The following GPC5 variants were observed in gnomAD, a reference collection of about 807,000 sequenced individuals.
GPC5 encodes the protein glypican-5.
In GPC5, 47 loss-of-function variants were observed where a neutral mutation model predicts 53.9. That is an observed-to-expected ratio of 0.87 (90% CI 0.69 to 1.11). The LOEUF (loss-of-function observed/expected upper bound fraction) is 1.11. GPC5 is among the 50% of genes most tolerant of loss of function. GPC5 has a pLI of 0.00. For missense variants in GPC5, 748 were observed against 713.1 expected, an observed-to-expected ratio of 1.05 and a Z score of -0.56; for synonymous variants, 286 against 263.3, an observed-to-expected ratio of 1.09 and a Z score of -0.84.
intron 7 of GPC5, among the ~76,000 whole-genome samples, chr13:92,297,843 C>T (rs1432070974): frequency 6.6e-6 from 1 of 152,032 alleles, no homozygotes; most frequent in Admixed American, 6.6e-5. Context: ...ACTGCTCACT[C>T]TTTGGGTCCA....
chr13:92,021,949 C>T (rs900935880), intron 6 of GPC5, among the ~76,000 whole-genome samples: 5 of 151,996 alleles, frequency 3.3e-5, no homozygotes, highest in African/African-American at 9.7e-5. Context: ...TAGTGAGGAA[C>T]ATTGATTTAT....
chr13:91,544,455 G>A (rs1277331436), intron 2 of GPC5, among the ~76,000 whole-genome samples: 3 of 152,098 alleles, frequency 2.0e-5, no homozygotes, highest in Non-Finnish European at 2.9e-5. Context: ...GGTCTTTGTA[G>A]TGTCTAGCAT....
At position 92,495,642 on chromosome 13, in the gene GPC5, T is replaced by C. The variant is rs889123183; in HGVS notation, c.1561+350653T>C. ...TAAGGAGACTTTTTTTTTTTTTTTT[T>C]CCCACAGAGATAAGTAACAGATTCT... is the stretch of plus-strand genomic sequence containing the variant. On this transcript the variant is annotated intron_variant, in intron 7 of 7. Transcript: ENST00000377067. Among the ~76,000 whole-genome samples the C allele has an allele frequency of 1.0e-3, 140 of 134,832 alleles. 1 individual carries two copies. The highest frequency in any genetic ancestry group is 1.6e-3 in the Non-Finnish European group (98 of 61,992). The allele number at this position is 134,832 out of a possible 152,430, so 88.5% of individuals were successfully genotyped here. A position where few individuals can be genotyped will look rare whatever the true frequency, so the allele number is the denominator to read the frequency against.
At chr13:92,639,329 C>T (rs1885513401) in intron 7 of GPC5, among the ~76,000 whole-genome samples, 1 of 152,180 alleles carries the variant, frequency 6.6e-6, no homozygotes, top group African/African-American at 2.4e-5. Flanking sequence ...AAAAAACTAT[C>T]AAATCTTCCT....
intron 3 of GPC5, among the ~76,000 whole-genome samples, chr13:91,699,890 T>C (rs2035958375): frequency 1.3e-5 from 2 of 152,228 alleles, no homozygotes; most frequent in African/African-American, 2.4e-5. Flanking sequence ...ATTAAGTGTG[T>C]AGTAACAATT....
chr13:92,699,262 T>G (rs1443694820), intron 7 of GPC5, among the ~76,000 whole-genome samples: 1 of 152,194 alleles, frequency 6.6e-6, no homozygotes, highest in South Asian at 2.1e-4. Context: ...TTCTGTTGGA[T>G]TGGTGTTGAT....
At chr13:92,692,924 T>C (rs1221581086) in intron 7 of GPC5, among the ~76,000 whole-genome samples, 1 of 151,880 alleles carries the variant, frequency 6.6e-6, no homozygotes, top group African/African-American at 2.4e-5. Flanking sequence ...AATACCCAGG[T>C]ATTGAGGGAG....
chr13:91,708,352 A>T (rs1482993106), intron 3 of GPC5, among the ~76,000 whole-genome samples: 5 of 152,118 alleles, frequency 3.3e-5, no homozygotes, highest in Non-Finnish European at 5.9e-5. Context: ...GAGTCCAGAA[A>T]GCTGATGCCA....
intron 2 of GPC5, among the ~76,000 whole-genome samples, chr13:91,510,475 C>A (rs575803170): frequency 6.6e-6 from 1 of 152,236 alleles, no homozygotes; most frequent in Admixed American, 6.5e-5. Flanking sequence ...CAGGCAGATT[C>A]TTTAAACATG....
chr13:91,622,007 C>T (rs145464724), intron 2 of GPC5, among the ~76,000 whole-genome samples: 5,870 of 151,728 alleles, frequency 0.039, 139 homozygotes, highest in African/African-American at 0.061. Context: ...ACTTGGAGTC[C>T]GATGTTCAAG....
intron 7 of GPC5, among the ~76,000 whole-genome samples, chr13:92,642,489 A>T (rs561661442): frequency 2.6e-5 from 4 of 152,276 alleles, no homozygotes; most frequent in South Asian, 4.1e-4. Flanking sequence ...ACAGGTCTGT[A>T]TATTATTAGA....
chr13:92,070,282 C>G (rs931018856), intron 6 of GPC5, among the ~76,000 whole-genome samples: 1 of 152,120 alleles, frequency 6.6e-6, no homozygotes, highest in Non-Finnish European at 1.5e-5. Context: ...TTCCTCAGAG[C>G]CTCCAATAAA....
intron 7 of GPC5, among the ~76,000 whole-genome samples, chr13:92,582,847 G>T (rs1184360790): frequency 6.6e-6 from 1 of 151,456 alleles, no homozygotes; most frequent in Non-Finnish European, 1.5e-5. Context: ...TTTTTATCCT[G>T]CAACTTTACT....
At chr13:92,180,085 T>C (rs1180763847) in intron 7 of GPC5, among the ~76,000 whole-genome samples, 1 of 152,172 alleles carries the variant, frequency 6.6e-6, no homozygotes, top group Non-Finnish European at 1.5e-5. Flanking sequence ...AATGTTTATT[T>C]TTTAGCATTC....
intron 7 of GPC5, among the ~76,000 whole-genome samples, chr13:92,561,560 A>G (rs962449578): frequency 1.8e-4 from 27 of 152,040 alleles, no homozygotes; most frequent in African/African-American, 6.3e-4. Context: ...CACTATACAA[A>G]TGTCATTTAT....
chr13:92,194,664 A>G (rs2042245373), intron 7 of GPC5, among the ~76,000 whole-genome samples: 1 of 152,242 alleles, frequency 6.6e-6, no homozygotes, highest in South Asian at 2.1e-4. Context: ...TGCAGCCTGC[A>G]GGTATTCTCA....
chr13:92,290,192 T>A (rs1210294458), intron 7 of GPC5, among the ~76,000 whole-genome samples: 1 of 152,206 alleles, frequency 6.6e-6, no homozygotes, highest in Non-Finnish European at 1.5e-5. Context: ...CAAAATCAAA[T>A]CTACAGATAC....
intron 6 of GPC5, among the ~76,000 whole-genome samples, chr13:92,123,048 C>T (rs1461467396): frequency 6.6e-6 from 1 of 152,038 alleles, no homozygotes; most frequent in African/African-American, 2.4e-5. Context: ...GGGCAAAATG[C>T]CCTGTCTTAT....
chr13:92,365,831 G>A (rs1193181386), intron 7 of GPC5, among the ~76,000 whole-genome samples: 2 of 150,784 alleles, frequency 1.3e-5, no homozygotes, highest in African/African-American at 2.5e-5. Flanking sequence ...CATTACCTAC[G>A]GTAACAATGC....
Sources: allele counts gnomAD v4.1 joint callset (sites outside exome capture counted in the v4.1 genomes callset), GRCh38; gene constraint gnomAD v4.1.1; transcripts MANE v1.5; gene names NCBI Gene and HGNC (gene_info 2026-07-23, HGNC 2026-07-21).